SLAMF7: variants seen among roughly 807,000 people sequenced by gnomAD.
The protein encoded by SLAMF7 is 19A24 protein.
A neutral mutation model predicts 34.1 loss-of-function variants in SLAMF7; 26 were observed. The ratio of observed to expected loss-of-function variants is 0.76; its 90% CI spans 0.56 to 1.06. The LOEUF (loss-of-function observed/expected upper bound fraction) is 1.06, where lower values mean the gene tolerates loss of function less well. Among genes scored for constraint, SLAMF7 ranks in the 50% least tolerant of loss-of-function variants. The pLI is 0.00. For missense variants in SLAMF7, 399 were observed against 402.5 expected, an observed-to-expected ratio of 0.99 and a Z score of 0.07; for synonymous variants, 171 against 156.4, an observed-to-expected ratio of 1.09 and a Z score of -0.70.
chr1:160,745,853 G>A (rs887665957), intron 1 of SLAMF7, among the ~76,000 whole-genome samples: 5 of 152,182 alleles, frequency 3.3e-5, no homozygotes, highest in African/African-American at 7.2e-5. Context: ...TACAATAAAC[G>A]TTTGGTGCAG....
At position 160,748,399 on chromosome 1, in the gene SLAMF7, C is replaced by T; in HGVS notation, c.261C>T (p.Gly87=). The part of the protein sequence containing the change: ...NRERVDFPDG[G]YSLKLSKLKK... The stretch of plus-strand genomic sequence containing the variant: ...AGAGAGTAGACTTCCCAGATGGAGG[C>T]TACTCCCTGAAGCTCAGCAAACTGA... The change falls in exon 2 of 7, where the codon GGC becomes GGT. Residue 87 remains glycine, a synonymous_variant. Transcript: ENST00000368043. The T allele has an allele frequency of 6.2e-7, 1 of 1,614,078 alleles. No individual in the cohort carries two copies. Among genetic ancestry groups the T allele is most frequent in the Non-Finnish European group, 8.5e-7 (1 of 1,179,964 alleles).
intron 1 of SLAMF7, among the ~76,000 whole-genome samples, chr1:160,747,668 C>T (rs1422777747): frequency 2.0e-5 from 3 of 152,202 alleles, no homozygotes; most frequent in Non-Finnish European, 4.4e-5. Context: ...CACTGCAATC[C>T]CGCCTGGGCA....
chr1:160,753,126 G>T lies in SLAMF7; in HGVS notation c.957G>T (p.Leu319=). 3.7e-6 allele frequency: 6 copies of T among 1,613,534 alleles called. No individual in the cohort carries two copies. The highest frequency in any genetic ancestry group is 5.1e-6 in the Non-Finnish European group (6 of 1,179,940). The change falls in exon 7 of 7, where the codon CTG becomes CTT. Residue 319 remains leucine (L), a synonymous_variant. Transcript: ENST00000368043. ...IPKKMENPHS[L]LTMPDTPRLF... ...TTCAGATGGAAAATCCCCACTCACTGCTCACGATGCCAGACACACCAAGGC... is the reference window on the plus strand; with the variant it reads ...TTCAGATGGAAAATCCCCACTCACTTCTCACGATGCCAGACACACCAAGGC...
chr1:160,739,234 G>T (rs1488036455), upstream of SLAMF7: 1 of 1,373,110 alleles, frequency 7.3e-7, no homozygotes, highest in East Asian at 2.3e-5. Flanking sequence ...TATCAGCTGG[G>T]GAAGAGGTCT....
intron 1 of SLAMF7, among the ~76,000 whole-genome samples, chr1:160,740,290 A>C (rs1367817915): frequency 6.6e-6 from 1 of 151,588 alleles, no homozygotes; most frequent in Non-Finnish European, 1.5e-5. Flanking sequence ...CTTTAAAAAA[A>C]AAAAACAAAA....
chr1:160,747,167 T>A (rs572289311), intron 1 of SLAMF7, among the ~76,000 whole-genome samples: 65 of 152,302 alleles, frequency 4.3e-4, no homozygotes, highest in African/African-American at 1.5e-3. Flanking sequence ...TTAGTCTTAG[T>A]TTTTGTATTT....
At position 160,751,353 on chromosome 1, in the gene SLAMF7, G is replaced by T; in HGVS notation, c.778G>T (p.Glu260Ter). 1 of 1,613,422 alleles carries T rather than the reference G, an allele frequency of 6.2e-7. No homozygotes were observed. The highest frequency in any genetic ancestry group is 8.5e-7 in the Non-Finnish European group (1 of 1,179,394). Residue 260 changes from glutamate (E) to a stop codon, truncating the protein, a stop_gained, in exon 5 of 7, where the codon GAA (glutamate) becomes TAA (stop). Transcript: ENST00000368043. LOFTEE classifies it high-confidence loss of function. Reference protein sequence around the residue: ...LKRERQEEYIEEKKRVDICRE... With the variant: ...LKRERQEEYI ...TCCCAACTTGCTTTTAGAGTACATT[G>T]AAGAGAAGAAGAGAGTGGACATTTG...
chr1:160,753,297 C>CT lies in SLAMF7; in HGVS notation c.*126dup. On this transcript the variant is annotated 3_prime_UTR_variant, in exon 7 of 7. Coordinates refer to ENST00000368043, the MANE Select transcript of SLAMF7 (RefSeq NM_021181.5). ...ATCAAGGAAGAATGAAGAACGTTGA[C>CT]TTTTTTCCAGGATAAATTATCTCTG... 3 of 838,180 alleles carry CT rather than the reference C, an allele frequency of 3.6e-6. No homozygotes were observed. The highest frequency in any genetic ancestry group is 1.7e-5 in the African/African-American group (1 of 58,166). 51.9% of individuals were successfully genotyped at this position (838,180 alleles called of 1,614,324 possible). A position where few individuals can be genotyped will look rare whatever the true frequency, so the allele number is the denominator to read the frequency against.
At position 160,748,172 on chromosome 1, in the gene SLAMF7, T is replaced by A. The variant is rs373747775; in HGVS notation, c.56-22T>A. On this transcript the variant is annotated intron_variant, in intron 1 of 6. Coordinates refer to ENST00000368043, the MANE Select transcript of SLAMF7 (RefSeq NM_021181.5). Reference sequence around the variant, plus strand: ...ACAAGGACAGGGAATCAGGCTTATTTTATGGTTCTCTGTGTTTATAGGGTC... The same window carrying A: ...ACAAGGACAGGGAATCAGGCTTATTATATGGTTCTCTGTGTTTATAGGGTC... 5.0e-6 allele frequency: 8 copies of A among 1,607,678 alleles called. No individual in the cohort carries two copies. The African/African-American group carries it at 8.0e-5, about 16-fold the overall frequency.
chr1:160,740,448 A>G (rs945747791), intron 1 of SLAMF7, among the ~76,000 whole-genome samples: 1 of 152,138 alleles, frequency 6.6e-6, no homozygotes, highest in Non-Finnish European at 1.5e-5. Context: ...AAAAACTGCC[A>G]TGCAGGTCCC....
chr1:160,754,080 T>G lies in SLAMF7; in HGVS notation c.*903T>G, dbSNP rs1021899173. On this transcript the variant is annotated 3_prime_UTR_variant, in exon 7 of 7. Transcript: ENST00000368043. ...GTGTAGGAGACTTGGAGTCAGGCAG[T>G]GAGACTGGTGGGGCACGGGGGGCAG... 2.0e-5 allele frequency: 3 copies of G among 152,646 alleles called. No individual in the cohort carries two copies. The highest frequency in any genetic ancestry group is 7.2e-5 in the African/African-American group (3 of 41,420). The allele number at this position is 152,646 out of a possible 1,614,324, so 9.5% of individuals were successfully genotyped here.
In SLAMF7 at chr1:160,749,925, A is replaced by G; in HGVS notation, c.481A>G (p.Ile161Val). Residue 161 changes from isoleucine (I) to valine (V), a missense_variant, in exon 3 of 7, where the codon ATT becomes GTT. Ile to Val is a conservative substitution (Grantham distance 29). Transcript: ENST00000368043. ...CATGGAACATGGGGAAGAGGATGTG[A>G]TTTATACCTGGAAGGCCCTGGGGCA... ...CCMEHGEEDVIYTWKALGQAA... is the reference protein window; with the variant it reads ...CCMEHGEEDVVYTWKALGQAA... The G allele has an allele frequency of 6.2e-7, 1 of 1,614,108 alleles. No homozygotes were observed.
At chr1:160,753,034 G>A (rs769897160) in intron 6 of SLAMF7, 72 bp from the exon 7 acceptor site, 23 of 1,407,944 alleles carry the variant, frequency 1.6e-5, no homozygotes, top group Non-Finnish European at 2.0e-5. Context: ...TTTCCTGGAT[G>A]TCAGGGTCTC....
chr1:160,739,140 TA>T, upstream of SLAMF7: 1 of 691,758 alleles, frequency 1.4e-6, no homozygotes. Context: ...GGTGGCAAGG[TA>T]AAATGCTCTA....
At position 160,748,332 on chromosome 1, in the gene SLAMF7, C is replaced by T; in HGVS notation, c.194C>T (p.Pro65Leu). 1 of 1,614,028 alleles carries T rather than the reference C, an allele frequency of 6.2e-7. No individual in the cohort carries two copies. Among genetic ancestry groups the T allele is most frequent in the African/African-American group, 1.3e-5 (1 of 74,992 alleles). Residue 65 changes from proline (P) to leucine (L), a missense_variant, in exon 2 of 7, where the codon CCA (proline) becomes CTA (leucine). By Grantham distance (98) the Pro-to-Leu change is moderately conservative. Coordinates refer to ENST00000368043, the MANE Select transcript of SLAMF7 (RefSeq NM_021181.5). Reference protein sequence around the residue: ...FNTTPLVTIQPEGGTIIVTQN... With the variant: ...FNTTPLVTIQLEGGTIIVTQN... The stretch of plus-strand genomic sequence containing the variant: ...ACAACCCCTCTTGTCACCATACAGC[C>T]AGAAGGGGGCACTATCATAGTGACC...
In SLAMF7 at chr1:160,748,230, G is replaced by T; in HGVS notation, c.92G>T (p.Gly31Val). ...AASGPVKELV[G>V]SVGGAVTFPL... ...TCTGGACCCGTGAAAGAGCTGGTCG[G>T]TTCCGTTGGTGGGGCCGTGACTTTC... The change falls in exon 2 of 7, where the codon GGT becomes GTT. Residue 31 changes from glycine to valine, a missense_variant. Coordinates refer to ENST00000368043, the MANE Select transcript of SLAMF7 (RefSeq NM_021181.5). The T allele has an allele frequency of 6.2e-7, 1 of 1,614,064 alleles. No individual in the cohort carries two copies.
rs1404664717 is a variant in SLAMF7, at chr1:160,751,050, C to A, written c.770-295C>A. 5 of 365,946 alleles carry A rather than the reference C, an allele frequency of 1.4e-5. No homozygotes were observed. The East Asian group carries it at 3.1e-4, about 23-fold the overall frequency. The allele number at this position is 365,946 out of a possible 1,614,324, so 22.7% of individuals were successfully genotyped here. On this transcript the variant is annotated intron_variant, in intron 4 of 6. Transcript: ENST00000368043. Reference sequence around the variant, plus strand: ...GGGTATGACTTGCAGACTTTGAAATCTCCCTTCCCTCCTGGAAGCCCCTCT... The same window carrying A: ...GGGTATGACTTGCAGACTTTGAAATATCCCTTCCCTCCTGGAAGCCCCTCT...
At chr1:160,740,080 A>G (rs1227919293) in intron 1 of SLAMF7, among the ~76,000 whole-genome samples, 1 of 152,108 alleles carries the variant, frequency 6.6e-6, no homozygotes, top group African/African-American at 2.4e-5. Flanking sequence ...AGGACTTCAC[A>G]TAACTGCTTC....
intron 5 of SLAMF7, chr1:160,751,862 CTATATATATATATATATATA>C (rs60757043): frequency 6.1e-3 from 256 of 41,922 alleles, no homozygotes; most frequent in South Asian, 0.011. Context: ...CTCTCTCTCT[CTATATATATATATATATATA>C]TATATATATA....
Sources: allele counts gnomAD v4.1 joint callset (sites outside exome capture counted in the v4.1 genomes callset), GRCh38; gene constraint gnomAD v4.1.1; transcripts MANE v1.5; gene names NCBI Gene and HGNC (gene_info 2026-07-23, HGNC 2026-07-21).